The following AP1G2 variants were observed in gnomAD, a reference collection of about 807,000 sequenced individuals.
AP1G2 encodes AP-1 complex subunit gamma-like 2.
A neutral mutation model predicts 95.8 loss-of-function variants in AP1G2; 85 were observed. The observed-to-expected ratio is 0.89, with a 90% CI of 0.74 to 1.06. The LOEUF is 1.06. Among genes scored for constraint, AP1G2 ranks in the 50% least tolerant of loss-of-function variants. The pLI is 0.00. For synonymous variants in AP1G2, 378 were observed against 400.0 expected (o/e 0.94, Z 0.66); for missense variants, 967 against 1,005.8 (o/e 0.96, Z 0.52).
Position 23,567,380 on chromosome 14 carries a change from A to G in AP1G2, c.-5-61T>C. 3.3e-6 allele frequency: 5 copies of G among 1,511,990 alleles called. No homozygotes were observed. Among genetic ancestry groups the G allele is most frequent in the South Asian group, 1.2e-5 (1 of 80,576 alleles). The allele number at this position is 1,511,990 out of a possible 1,614,324, so 93.7% of individuals were successfully genotyped here. ...TCGGGCGTGCCTGGGCTTTCGGCCC[A>G]GGCCCGTCCTGTGTCAAGACCCTAA... is the stretch of plus-strand genomic sequence containing the variant. On this transcript the variant is annotated intron_variant, in intron 1 of 21. Transcript: ENST00000397120. The surrounding 1 kb of genome is among the most constrained non-coding windows in gnomAD (Gnocchi z 5.3).
Position 23,561,623 on chromosome 14 carries a change from C to T in AP1G2, c.1746G>A (p.Leu582=). The change falls in exon 18 of 22, where the codon CTG becomes CTA. Residue 582 remains leucine (L), a synonymous_variant. Coordinates refer to ENST00000397120, the MANE Select transcript of AP1G2 (RefSeq NM_003917.5). ...RKYDHMRAAI[L]EKMPLVERDG... ...CTCGCTCCACAAGAGGCATTTTTTCCAGGATGGCAGCCCTGAGAGGATGGA... is the reference window on the plus strand; with the variant it reads ...CTCGCTCCACAAGAGGCATTTTTTCTAGGATGGCAGCCCTGAGAGGATGGA... The T allele has an allele frequency of 6.2e-7, 1 of 1,613,938 alleles. No homozygotes were observed. Among genetic ancestry groups the T allele is most frequent in the East Asian group, 2.2e-5 (1 of 44,876 alleles).
In AP1G2 at chr14:23,567,535, C is replaced by T. The variant is rs1888673529; in HGVS notation, c.-6+204G>A. 1 of 1,352,780 alleles carries T rather than the reference C, an allele frequency of 7.4e-7. No homozygotes were observed. The highest frequency in any genetic ancestry group is 3.9e-5 in the Admixed American group (1 of 25,572). 83.8% of individuals were successfully genotyped at this position (1,352,780 alleles called of 1,614,324 possible). A position where few individuals can be genotyped will look rare whatever the true frequency, so the allele number is the denominator to read the frequency against. ...GCATGCGTCCGCACCCCACCGGCGCCCCTTCCTATTGAGCATGCGCGGGAG... is the reference window on the plus strand; with the variant it reads ...GCATGCGTCCGCACCCCACCGGCGCTCCTTCCTATTGAGCATGCGCGGGAG... On this transcript the variant is annotated intron_variant, in intron 1 of 21. Coordinates refer to ENST00000397120, the MANE Select transcript of AP1G2 (RefSeq NM_003917.5). This position sits in a 1 kb window ranked among gnomAD's most constrained non-coding sequence, Gnocchi z 5.3.
At chr14:23,562,924 A>T (rs1595305976) in intron 14 of AP1G2, 3 of 606,330 alleles carry the variant, frequency 4.9e-6, no homozygotes, top group Middle Eastern at 5.5e-4. Flanking sequence ...GTGGCCAAGC[A>T]TCAGAACTAC....
At chr14:23,563,978 C>T in intron 11 of AP1G2, 68 bp downstream of exon 11, 1 of 1,607,758 alleles carries the variant, frequency 6.2e-7, no homozygotes, top group East Asian at 2.2e-5. Context: ...TCTAAACTGG[C>T]TCGAGTCTTG....
intron 19 of AP1G2, 114 bp downstream of exon 19, chr14:23,561,182 T>TG (rs1884407185): frequency 6.9e-7 from 1 of 1,449,422 alleles, no homozygotes; most frequent in Admixed American, 2.4e-5. Context: ...GGCGATGGGA[T>TG]GGGGGACACA....
intron 19 of AP1G2, 98 bp from the exon 20 acceptor site, chr14:23,560,516 C>T: frequency 7.8e-7 from 1 of 1,281,488 alleles, no homozygotes; most frequent in Non-Finnish European, 1.1e-6. Context: ...ACTGGCCCTG[C>T]ACTACTCGAA....
Position 23,567,735 on chromosome 14 carries a change from T to C in AP1G2, c.-6+4A>G, listed in dbSNP as rs1003140704. The C allele has an allele frequency of 2.0e-6, 2 of 1,020,272 alleles. No homozygotes were observed. Among genetic ancestry groups the C allele is most frequent in the Non-Finnish European group, 2.3e-6 (2 of 851,670 alleles). The allele number at this position is 1,020,272 out of a possible 1,614,324, so 63.2% of individuals were successfully genotyped here. A position where few individuals can be genotyped will look rare whatever the true frequency, so the allele number is the denominator to read the frequency against. On this transcript the variant is annotated splice_donor_region_variant and intron_variant, in intron 1 of 21. Transcript: ENST00000397120. This position sits in a 1 kb window ranked among gnomAD's most constrained non-coding sequence, Gnocchi z 5.3. Reference sequence around the variant, plus strand: ...GCCTGCCTACCCCAGGACTCCAGCCTCACCTGGCTTCTGCCTCAACTCCGC... The same window carrying C: ...GCCTGCCTACCCCAGGACTCCAGCCCCACCTGGCTTCTGCCTCAACTCCGC...
chr14:23,562,103 T>G (rs1425283048), intron 16 of AP1G2, 37 bp from the exon 17 acceptor site: 1 of 1,605,830 alleles, frequency 6.2e-7, no homozygotes, highest in East Asian at 2.2e-5. Context: ...TATGGCAGTG[T>G]GCCACTGCAG....
rs1303382489 is a variant in AP1G2, at chr14:23,567,606, C to T, written c.-6+133G>A. ...CGTTTCCTCCCCCTACCTGGTACCC[C>T]ATCCCTAGCTCAGCCATTGCTTTTT... is the stretch of plus-strand genomic sequence containing the variant. On this transcript the variant is annotated intron_variant, in intron 1 of 21. Transcript: ENST00000397120. The surrounding 1 kb of genome is among the most constrained non-coding windows in gnomAD (Gnocchi z 5.3). 1.7e-6 allele frequency: 2 copies of T among 1,204,882 alleles called. No individual in the cohort carries two copies. The highest frequency in any genetic ancestry group is 1.0e-6 in the Non-Finnish European group (1 of 967,974). The allele number at this position is 1,204,882 out of a possible 1,614,324, so 74.6% of individuals were successfully genotyped here. A position where few individuals can be genotyped will look rare whatever the true frequency, so the allele number is the denominator to read the frequency against.
rs148978189 is a variant in AP1G2 at position 23,559,845 on chromosome 14, G to T, written c.2262C>A (p.Pro754=). 2 of 1,614,072 alleles carry T rather than the reference G, an allele frequency of 1.2e-6. No homozygotes were observed. The highest frequency in any genetic ancestry group is 1.7e-5 in the Admixed American group (1 of 60,032). The change falls in exon 22 of 22, where the codon CCC becomes CCA. Residue 754 remains proline, a synonymous_variant. Coordinates refer to ENST00000397120, the MANE Select transcript of AP1G2 (RefSeq NM_003917.5). ...LFRILNPNKA[P]LRLKLRLTYD... is the part of the protein sequence containing the mutation. ...AGGTGAGGCGCAGCTTTAGCCGCAGGGGGGCCTAGGAATAGGAGAGCAGGG... is the reference window on the plus strand; with the variant it reads ...AGGTGAGGCGCAGCTTTAGCCGCAGTGGGGCCTAGGAATAGGAGAGCAGGG...
intron 5 of AP1G2, 21 bp from the exon 6 acceptor site, chr14:23,565,913 G>A (rs760176883): frequency 1.3e-6 from 2 of 1,599,540 alleles, no homozygotes; most frequent in Non-Finnish European, 1.7e-6. Flanking sequence ...CGTCGGGGAA[G>A]TGAATGGTGG....
Position 23,567,157 on chromosome 14 carries a change from T to G in AP1G2, c.158A>C (p.Lys53Thr). The G allele has an allele frequency of 6.2e-7, 1 of 1,613,006 alleles. No homozygotes were observed. The highest frequency in any genetic ancestry group is 8.5e-7 in the Non-Finnish European group (1 of 1,179,416). Residue 53 changes from lysine to threonine, a missense_variant, in exon 2 of 22, where the codon AAA (lysine) becomes ACA (threonine). Physicochemically the swap from Lys to Thr is moderately conservative, Grantham distance 78 (BLOSUM62 -1). Coordinates refer to ENST00000397120, the MANE Select transcript of AP1G2 (RefSeq NM_003917.5). This position sits in a 1 kb window ranked among gnomAD's most constrained non-coding sequence, Gnocchi z 5.3. Reference sequence around the variant, plus strand: ...GCCCAACATGTGGACGTAGAGCAGTTTGGCCAGCTGCCGGTGCCTGTGCAC... The same window carrying G: ...GCCCAACATGTGGACGTAGAGCAGTGTGGCCAGCTGCCGGTGCCTGTGCAC... ...DPVHRHRQLA[K>T]LLYVHMLGYP...
intron 10 of AP1G2, 81 bp downstream of exon 10, chr14:23,564,251 TG>T: frequency 6.2e-7 from 1 of 1,613,214 alleles, no homozygotes; most frequent in Non-Finnish European, 8.5e-7. Context: ...AAGAGAGAAA[TG>T]GATCAGGAGG....
Position 23,564,300 on chromosome 14 carries a change from G to A in AP1G2, c.977+33C>T, listed in dbSNP as rs747603751. On this transcript the variant is annotated intron_variant, in intron 10 of 21. Transcript: ENST00000397120. ...GAGGGCAGAGGGCCAGGGGATCAGTGGCACAGCCTAGGTAGACAGTTGGGA... is the reference window on the plus strand; with the variant it reads ...GAGGGCAGAGGGCCAGGGGATCAGTAGCACAGCCTAGGTAGACAGTTGGGA... 3 of 1,613,994 alleles carry A rather than the reference G, an allele frequency of 1.9e-6. No individual in the cohort carries two copies. In the South Asian group the frequency reaches 3.3e-5, roughly 18 times the overall value.
chr14:23,566,179 T>A lies in AP1G2; in HGVS notation c.472-19A>T. On this transcript the variant is annotated intron_variant, in intron 4 of 21. Coordinates refer to ENST00000397120, the MANE Select transcript of AP1G2 (RefSeq NM_003917.5). ...GAATAGCCTGCAGAGGTCAGGGGCCTCAGACAGGGGTCAGAGGAGATGGAC... is the reference window on the plus strand; with the variant it reads ...GAATAGCCTGCAGAGGTCAGGGGCCACAGACAGGGGTCAGAGGAGATGGAC... The A allele has an allele frequency of 6.3e-7, 1 of 1,594,840 alleles. No individual in the cohort carries two copies. Among genetic ancestry groups the A allele is most frequent in the East Asian group, 2.2e-5 (1 of 44,678 alleles).
In AP1G2 at chr14:23,564,459, T is replaced by C. The variant is rs571810198; in HGVS notation, c.922-71A>G. 87 of 1,602,222 alleles carry C rather than the reference T, an allele frequency of 5.4e-5. 1 individual carries two copies. The South Asian group carries it at 7.6e-4, about 14-fold the overall frequency. On this transcript the variant is annotated intron_variant, in intron 9 of 21. Transcript: ENST00000397120. ...TCAGCCATTGAGGACTGGGAACACA[T>C]TGGCGCAAGATGATGGGGCTAGGAG...
chr14:23,560,521 C>A, intron 19 of AP1G2, 103 bp from the exon 20 acceptor site: 1 of 1,197,528 alleles, frequency 8.4e-7, no homozygotes, highest in Non-Finnish European at 1.2e-6. Context: ...CCCTGCACTA[C>A]TCGAAAGGCT....
rs12897422 is a variant in AP1G2 at position 23,563,818 on chromosome 14, G to A, written c.1130C>T (p.Ser377Phe). ...CTCTTGCATCATGGCTCGCACATTG[G>A]AGCTATTTACCAGAGCCAGGCTTAG... ...LELSLALVNS[S>F]NVRAMMQELQ... Residue 377 changes from serine to phenylalanine, a missense_variant, in exon 12 of 22, where the codon TCC (serine) becomes TTC (phenylalanine). Coordinates refer to ENST00000397120, the MANE Select transcript of AP1G2 (RefSeq NM_003917.5). 199,105 of 1,613,992 alleles carry A rather than the reference G, an allele frequency of 0.12. 13,877 individuals are homozygous for A. Among genetic ancestry groups the A allele is most frequent in the Non-Finnish European group, 0.14 (170,501 of 1,179,960 alleles).
chr14:23,561,408 T>C lies in AP1G2; in HGVS notation c.1881A>G (p.Leu627=). 1 of 1,608,522 alleles carries C rather than the reference T, an allele frequency of 6.2e-7. No individual in the cohort carries two copies. Among genetic ancestry groups the C allele is most frequent in the South Asian group, 1.1e-5 (1 of 90,714 alleles). The change falls in exon 19 of 22, where the codon CTA becomes CTG. Residue 627 remains leucine, a synonymous_variant. Coordinates refer to ENST00000397120, the MANE Select transcript of AP1G2 (RefSeq NM_003917.5). ...CCCCAGAAGCCCCATCCAGGAGATC[T>C]AGCAGATCCAGGAGCTGTGAGGCCT... ...EPQASQLLDL[L]DLLDGASGDV...
Sources: allele counts gnomAD v4.1 joint callset, GRCh38; gene constraint gnomAD v4.1.1; non-coding constraint Gnocchi (gnomAD v3.1); transcripts MANE v1.5; gene names NCBI Gene and HGNC (gene_info 2026-07-23, HGNC 2026-07-21).